Variants in BEGAIN observed in about 807,000 individuals in gnomAD.
BEGAIN encodes the protein brain-enriched guanylate kinase-associated protein.
BEGAIN carries 19 observed loss-of-function variants against 35.8 expected under a neutral mutation model. The ratio of observed to expected loss-of-function variants is 0.53; its 90% CI spans 0.37 to 0.78. The LOEUF is 0.78. Ranked by LOEUF, BEGAIN falls within the 30% of genes least tolerant of loss-of-function variation. The pLI is 0.00. For synonymous variants in BEGAIN, 462 were observed against 388.6 expected (o/e 1.19, Z -2.22); for missense variants, 795 against 853.6 (o/e 0.93, Z 0.85).
intron 2 of BEGAIN, among the ~76,000 whole-genome samples, chr14:100,553,325 C>T (rs970339816): frequency 8.5e-5 from 13 of 152,220 alleles, no homozygotes; most frequent in African/African-American, 3.1e-4. Flanking sequence ...TGCAGAAAAG[C>T]CTGTGGCCAC....
intron 1 of BEGAIN, among the ~76,000 whole-genome samples, chr14:100,585,415 CCCATCCATCCAT>C (rs71113272): frequency 5.0e-4 from 33 of 66,056 alleles, no homozygotes; most frequent in South Asian, 2.6e-3. Flanking sequence ...CTCCCTCCCT[CCCATCCATCCAT>C]CCATCCATCC....
rs538265701 is a variant in BEGAIN at position 100,579,814 on chromosome 14, C to T, written c.42+7435G>A. Among the ~76,000 whole-genome samples the T allele has an allele frequency of 1.1e-4, 17 of 152,310 alleles. No individual in the cohort carries two copies. The East Asian group carries it at 2.7e-3, about 24-fold the overall frequency. On this transcript the variant is annotated intron_variant, in intron 1 of 6. Transcript: ENST00000554140. ...TCTTTCCTTCCCTCTTCCCTGTCCC[C>T]GCCCCTGGCTGCCAGGCCCTGGAGA...
chr14:100,568,485 A>T lies in BEGAIN; in HGVS notation c.43-546T>A, dbSNP rs1252953219. 7.8e-7 allele frequency: 1 copy of T among 1,285,694 alleles called. No homozygotes were observed. Among genetic ancestry groups the T allele is most frequent in the Non-Finnish European group, 1.0e-6 (1 of 986,870 alleles). 79.6% of individuals were successfully genotyped at this position (1,285,694 alleles called of 1,614,324 possible). A position where few individuals can be genotyped will look rare whatever the true frequency, so the allele number is the denominator to read the frequency against. On this transcript the variant is annotated intron_variant, in intron 1 of 6. Transcript: ENST00000554140. This position sits in a 1 kb window ranked among gnomAD's most constrained non-coding sequence, Gnocchi z 7.5. ...TGGCATTTGGAGCCTCGACTCCTCA[A>T]TCAGGGACCCGCTGCCCTCAGATTC...
Position 100,537,839 on chromosome 14 carries a change from G to T in BEGAIN, c.*130C>A. On this transcript the variant is annotated 3_prime_UTR_variant, in exon 7 of 7. Transcript: ENST00000554140. ...CAGGGCTGGGGAGGAGAGGAGGTGC[G>T]GGGAGGAACAGACTCCTCGTTGTTG... 1 of 1,345,924 alleles carries T rather than the reference G, an allele frequency of 7.4e-7. No individual in the cohort carries two copies. The highest frequency in any genetic ancestry group is 9.8e-7 in the Non-Finnish European group (1 of 1,021,502). The allele number at this position is 1,345,924 out of a possible 1,614,324, so 83.4% of individuals were successfully genotyped here.
intron 1 of BEGAIN, among the ~76,000 whole-genome samples, chr14:100,585,998 C>T (rs1321987110): frequency 6.6e-6 from 1 of 152,228 alleles, no homozygotes; most frequent in Non-Finnish European, 1.5e-5. Flanking sequence ...TAAGGGTTTG[C>T]AGGATGCTGC....
chr14:100,569,209 C>G (rs12433699), intron 1 of BEGAIN: 51,097 of 152,220 alleles, frequency 0.34, 10,136 homozygotes, highest in African/African-American at 0.55. Context: ...TCCGCACCCG[C>G]GGGCTGCGGA....
chr14:100,570,449 C>T (rs760724979), intron 1 of BEGAIN, among the ~76,000 whole-genome samples: 7 of 152,214 alleles, frequency 4.6e-5, no homozygotes, highest in Non-Finnish European at 1.0e-4. Context: ...TGACCCATTG[C>T]CTTCGGGGCA....
chr14:100,565,634 G>A (rs542656804), intron 2 of BEGAIN, among the ~76,000 whole-genome samples: 1 of 152,288 alleles, frequency 6.6e-6, no homozygotes, highest in South Asian at 2.1e-4. Flanking sequence ...CAGGGGCCAG[G>A]AGGCAGGACC....
chr14:100,572,508 C>A (rs1432740768), intron 1 of BEGAIN, among the ~76,000 whole-genome samples: 4 of 152,132 alleles, frequency 2.6e-5, no homozygotes, highest in African/African-American at 9.6e-5. Flanking sequence ...CAGTGCTTGG[C>A]CCCCCAGGAC....
intron 1 of BEGAIN, among the ~76,000 whole-genome samples, chr14:100,578,676 G>C (rs1566982460): frequency 6.6e-6 from 1 of 152,138 alleles, no homozygotes; most frequent in African/African-American, 2.4e-5. Context: ...CCAACCTCCT[G>C]CTTCTTCTCT....
intron 2 of BEGAIN, among the ~76,000 whole-genome samples, chr14:100,554,314 C>T (rs918594847): frequency 6.6e-6 from 1 of 152,170 alleles, no homozygotes; most frequent in South Asian, 2.1e-4. Flanking sequence ...GCCGAGGGCC[C>T]GAGAGCCGCT....
rs1428082315 is a variant in BEGAIN at position 100,558,762 on chromosome 14, C to T, written c.71+9149G>A. ...CCAGGAGCCTCACCTTCTAGGACCA[C>T]CCACCACACCAGGCCCACTCCTTTC... is the stretch of plus-strand genomic sequence containing the variant. On this transcript the variant is annotated intron_variant, in intron 2 of 6. Transcript: ENST00000554140. This position sits in a 1 kb window ranked among gnomAD's most constrained non-coding sequence, Gnocchi z 4.6. Among the ~76,000 whole-genome samples, 5 of 152,224 alleles carry T rather than the reference C, an allele frequency of 3.3e-5. No individual in the cohort carries two copies. Among genetic ancestry groups the T allele is most frequent in the Non-Finnish European group, 7.3e-5 (5 of 68,034 alleles).
rs2031688440 is a variant in BEGAIN at position 100,541,936 on chromosome 14, C to T, written c.409-1357G>A. 4.6e-5 allele frequency among the ~76,000 whole-genome samples: 7 copies of T among 152,332 alleles called. No individual in the cohort carries two copies. The South Asian group carries it at 1.2e-3, about 27-fold the overall frequency. On this transcript the variant is annotated intron_variant, in intron 5 of 6. Coordinates refer to ENST00000554140, the MANE Select transcript of BEGAIN (RefSeq NM_001385089.1). The stretch of plus-strand genomic sequence containing the variant: ...ACCCAGGGCCCGGGGCTGCTGGAGT[C>T]GGAGTCCCGAGGTTGAGTTCTGGCT...
chr14:100,545,298 C>T (rs1042675646), intron 3 of BEGAIN: 7 of 1,363,878 alleles, frequency 5.1e-6, no homozygotes, highest in African/African-American at 1.5e-5. Context: ...GTATTTCCCC[C>T]TCCACCCCGG....
chr14:100,550,354 C>T (rs1228233884), intron 2 of BEGAIN: 5 of 398,712 alleles, frequency 1.3e-5, no homozygotes, highest in African/African-American at 4.1e-5. Flanking sequence ...GACACAGACA[C>T]GGGACAGATG....
rs1211940361 is a variant in BEGAIN at position 100,568,140 on chromosome 14, A to G, written c.43-201T>C. 2 of 978,038 alleles carry G rather than the reference A, an allele frequency of 2.0e-6. No homozygotes were observed. The highest frequency in any genetic ancestry group is 1.2e-4 in the Admixed American group (2 of 16,982). The allele number at this position is 978,038 out of a possible 1,614,324, so 60.6% of individuals were successfully genotyped here. On this transcript the variant is annotated intron_variant, in intron 1 of 6. Coordinates refer to ENST00000554140, the MANE Select transcript of BEGAIN (RefSeq NM_001385089.1). This position sits in a 1 kb window ranked among gnomAD's most constrained non-coding sequence, Gnocchi z 7.5. ...GGGCGCGCCGGGCCGCGGCCGAGTAACAGGTGAGCCCGCCCGGGCCGCCGC... is the reference window on the plus strand; with the variant it reads ...GGGCGCGCCGGGCCGCGGCCGAGTAGCAGGTGAGCCCGCCCGGGCCGCCGC...
At chr14:100,576,186 G>A (rs985915651) in intron 1 of BEGAIN, among the ~76,000 whole-genome samples, 1 of 152,090 alleles carries the variant, frequency 6.6e-6, no homozygotes, top group Non-Finnish European at 1.5e-5. Flanking sequence ...CAGACCTACA[G>A]GGAAAGGGCT....
chr14:100,584,416 A>C, intron 1 of BEGAIN, among the ~76,000 whole-genome samples: 2 of 151,378 alleles, frequency 1.3e-5, no homozygotes, highest in East Asian at 1.9e-4. Flanking sequence ...GCAGCTCCTG[A>C]CTCCTGCCGT....
intron 4 of BEGAIN, 143 bp from the exon 5 acceptor site, chr14:100,544,108 CACAG>C: frequency 1.6e-6 from 1 of 619,338 alleles, no homozygotes; most frequent in Admixed American, 2.6e-5. Flanking sequence ...GGTTTATGAG[CACAG>C]ACAGACCCTG....
Sources: allele counts gnomAD v4.1 joint callset (sites outside exome capture counted in the v4.1 genomes callset), GRCh38; gene constraint gnomAD v4.1.1; non-coding constraint Gnocchi (gnomAD v3.1); transcripts MANE v1.5; gene names NCBI Gene and HGNC (gene_info 2026-07-23, HGNC 2026-07-21).